Variants in VPS53 observed in about 807,000 individuals in gnomAD.
VPS53 encodes the protein VPS53 subunit of GARP complex.
Under a neutral mutation model 107.0 loss-of-function variants are expected in VPS53, and 70 were observed. The ratio of observed to expected loss-of-function variants is 0.65; its 90% confidence interval spans 0.54 to 0.80. The LOEUF is 0.80. Among genes scored for constraint, VPS53 ranks in the 30% least tolerant of loss-of-function variants. The probability of loss-of-function intolerance (pLI) is 0.00; values close to 1 mark genes in which losing one functional copy is unlikely to be tolerated. For missense variants in VPS53, 917 were observed against 1,049.4 expected (o/e 0.87, Z 1.74); for synonymous variants, 409 against 393.3 (o/e 1.04, Z -0.47).
intron 7 of VPS53, among the ~76,000 whole-genome samples, chr17:633,550 A>G (rs1970051152): frequency 6.6e-6 from 1 of 152,158 alleles, no homozygotes; most frequent in Non-Finnish European, 1.5e-5. Flanking sequence ...CATGACCCAA[A>G]ACAATCTGTT....
At chr17:689,317 C>A (rs1972696761) in intron 4 of VPS53, among the ~76,000 whole-genome samples, 1 of 152,044 alleles carries the variant, frequency 6.6e-6, no homozygotes, top group African/African-American at 2.4e-5. Flanking sequence ...TATTTTTGTT[C>A]TTTTCACTTG....
At position 622,857 on chromosome 17, in the gene VPS53, A is replaced by AT. The variant is rs200220802; in HGVS notation, c.1116+675dup. ...TGGGACTAAGGGGTGCACCCGACTA[A>AT]TTTTTTTTTTTTTGTAGGGATGAGG... On this transcript the variant is annotated intron_variant, in intron 11 of 21. Transcript: ENST00000437048. 3.3e-3 allele frequency among the ~76,000 whole-genome samples: 486 copies of AT among 145,104 alleles called. 10 individuals carry two copies. The East Asian group carries it at 0.056, about 17-fold the overall frequency.
intron 17 of VPS53, chr17:538,633 G>A (rs921544879): frequency 1.1e-4 from 17 of 152,152 alleles, no homozygotes; most frequent in African/African-American, 4.1e-4. Context: ...AAAAGCTTTA[G>A]GGATGTGTAC....
intron 17 of VPS53, among the ~76,000 whole-genome samples, chr17:546,447 G>A (rs1428780062): frequency 6.6e-6 from 1 of 151,836 alleles, no homozygotes; most frequent in Non-Finnish European, 1.5e-5. Context: ...CAGAATGGGA[G>A]AGAATATTTA....
chr17:676,963 G>A (rs1972190095), intron 4 of VPS53, among the ~76,000 whole-genome samples: 2 of 151,824 alleles, frequency 1.3e-5, no homozygotes, highest in Admixed American at 6.6e-5. Flanking sequence ...AAAACAGAAC[G>A]CTTGTGTTAA....
chr17:525,515 C>T (rs949872550), intron 19 of VPS53, among the ~76,000 whole-genome samples: 1 of 151,582 alleles, frequency 6.6e-6, no homozygotes, highest in Non-Finnish European at 1.5e-5. Context: ...ACAGTGAGAC[C>T]TTGTCTCTAC....
At chr17:562,877 T>TC in intron 13 of VPS53, 132 bp from the exon 14 acceptor site, 4 of 997,250 alleles carry the variant, frequency 4.0e-6, no homozygotes, top group Non-Finnish European at 5.7e-6. Context: ...TAAAATCGGA[T>TC]CGATTTTAAT....
chr17:646,994 G>T lies in VPS53; in HGVS notation c.608+6297C>A, dbSNP rs528947004. On this transcript the variant is annotated intron_variant, in intron 7 of 21. Coordinates refer to ENST00000437048, the MANE Select transcript of VPS53 (RefSeq NM_001128159.3). ...AAATACAAGTGAGATCATGCCCCCC[G>T]CACTTAAAATCTTTCACTGTCCACA... 5.8e-4 allele frequency among the ~76,000 whole-genome samples: 88 copies of T among 152,182 alleles called. No homozygotes were observed. In the South Asian group the frequency reaches 0.018, roughly 31 times the overall value.
intron 15 of VPS53, among the ~76,000 whole-genome samples, chr17:557,870 T>TC (rs1250732088): frequency 8.6e-5 from 13 of 150,436 alleles, no homozygotes; most frequent in African/African-American, 2.7e-4. Flanking sequence ...TTTTTTTTTT[T>TC]TTTTTTAGAG....
At chr17:641,588 G>A (rs1244322880) in intron 7 of VPS53, among the ~76,000 whole-genome samples, 2 of 152,112 alleles carry the variant, frequency 1.3e-5, no homozygotes, top group Non-Finnish European at 2.9e-5. Context: ...CTGAGTAGCT[G>A]GGACTATAGG....
At chr17:648,776 T>G (rs112029038) in intron 7 of VPS53, among the ~76,000 whole-genome samples, 3 of 130,326 alleles carry the variant, frequency 2.3e-5, no homozygotes, top group African/African-American at 2.8e-5. Flanking sequence ...GCACTGAAGA[T>G]CTTACACTGG....
chr17:564,827 C>T (rs1913343528), intron 13 of VPS53, among the ~76,000 whole-genome samples: 1 of 152,184 alleles, frequency 6.6e-6, no homozygotes, highest in Admixed American at 6.5e-5. Flanking sequence ...TCAAACATCC[C>T]TGTAATTGTT....
At chr17:673,768 A>C (rs1430625448) in intron 4 of VPS53, 4 of 152,220 alleles carry the variant, frequency 2.6e-5, no homozygotes, top group Non-Finnish European at 5.9e-5. Context: ...AAGGACTGTA[A>C]AGAGCAAACG....
chr17:620,897 C>T (rs937782338), intron 11 of VPS53, among the ~76,000 whole-genome samples: 12 of 151,892 alleles, frequency 7.9e-5, no homozygotes, highest in African/African-American at 4.8e-5. Flanking sequence ...CATGAGCCAC[C>T]GCACCCGGCC....
chr17:679,318 A>G (rs1358979665), intron 4 of VPS53, among the ~76,000 whole-genome samples: 1 of 151,976 alleles, frequency 6.6e-6, no homozygotes, highest in Non-Finnish European at 1.5e-5. Flanking sequence ...GATTGAGACC[A>G]TCCTGGCCAA....
At chr17:658,096 G>A (rs74722340) in intron 5 of VPS53, among the ~76,000 whole-genome samples, 4 of 85,308 alleles carry the variant, frequency 4.7e-5, no homozygotes, top group Non-Finnish European at 7.3e-5. Context: ...TGAGATACTC[G>A]GCCGTGAGTT....
At chr17:565,141 C>A (rs1913369495) in intron 13 of VPS53, among the ~76,000 whole-genome samples, 2 of 152,092 alleles carry the variant, frequency 1.3e-5, no homozygotes, top group Non-Finnish European at 2.9e-5. Flanking sequence ...GGGGCTCACA[C>A]CTGTAATCCC....
chr17:566,106 A>C (rs1036793561), intron 13 of VPS53, among the ~76,000 whole-genome samples: 1 of 147,642 alleles, frequency 6.8e-6, no homozygotes, highest in Admixed American at 6.8e-5. Flanking sequence ...TGGGAGGCTG[A>C]GGCAGGAGAA....
chr17:619,173 G>A (rs1969328626), intron 11 of VPS53, among the ~76,000 whole-genome samples: 1 of 143,844 alleles, frequency 7.0e-6, no homozygotes, highest in African/African-American at 2.6e-5. Flanking sequence ...TGGGACTACA[G>A]GTGCCCACGA....
Sources: gnomAD v4.1 joint callset for allele counts (sites outside exome capture counted in the v4.1 genomes callset) on GRCh38, gnomAD v4.1.1 for gene constraint, MANE v1.5 for transcripts, NCBI Gene and HGNC (gene_info 2026-07-23, HGNC 2026-07-21) for gene names.